The following KCNIP4 variants were observed in gnomAD, a reference collection of about 807,000 sequenced individuals.
The protein encoded by KCNIP4 is Kv channel-interacting protein 4.
A neutral mutation model predicts 34.0 loss-of-function variants in KCNIP4; 12 were observed. That is an observed-to-expected ratio of 0.35 (90% CI 0.23 to 0.57). The LOEUF (loss-of-function observed/expected upper bound fraction) is 0.57. Ranked by LOEUF, KCNIP4 falls within the 20% of genes least tolerant of loss-of-function variation. The probability of loss-of-function intolerance (pLI) is 0.83; values close to 1 mark genes in which losing one functional copy is unlikely to be tolerated. For missense variants in KCNIP4, 238 were observed against 311.7 expected (o/e 0.76, Z 1.78); for synonymous variants, 124 against 102.2 (o/e 1.21, Z -1.29).
At chr4:20,881,525 T>G (rs575903534) in intron 2 of KCNIP4, among the ~76,000 whole-genome samples, 18 of 152,284 alleles carry the variant, frequency 1.2e-4, no homozygotes, top group African/African-American at 4.3e-4. Context: ...AAAAAAATTG[T>G]GTATAAAAGA....
intron 3 of KCNIP4, among the ~76,000 whole-genome samples, chr4:20,806,131 C>T (rs1027117396): frequency 2.6e-5 from 4 of 151,616 alleles, no homozygotes; most frequent in African/African-American, 7.3e-5. Flanking sequence ...TTACTTTTTC[C>T]GTCTAATAAC....
rs148916395 is a variant in KCNIP4 at position 21,442,708 on chromosome 4, A to T, written c.61+505863T>A. Among the ~76,000 whole-genome samples, 3 of 152,160 alleles carry T rather than the reference A, an allele frequency of 2.0e-5. No homozygotes were observed. The East Asian group carries it at 5.8e-4, about 29-fold the overall frequency. ...ACTTTTCTCCGCCTCTCAACACTTGAGTGTCTCAGGGTTCAGCTCATGTAC... is the reference window on the plus strand; with the variant it reads ...ACTTTTCTCCGCCTCTCAACACTTGTGTGTCTCAGGGTTCAGCTCATGTAC... On this transcript the variant is annotated intron_variant, in intron 1 of 8. Transcript: ENST00000382152.
At chr4:21,057,662 C>A (rs1743541004) in intron 1 of KCNIP4, among the ~76,000 whole-genome samples, 2 of 151,990 alleles carry the variant, frequency 1.3e-5, no homozygotes, top group African/African-American at 4.8e-5. Flanking sequence ...TTGAAATGGC[C>A]CCAAAATAAC....
At position 20,728,763 on chromosome 4, in the gene KCNIP4, C is replaced by CCTAT. The variant is rs942398165; in HGVS notation, c.*1315_*1318dup. ...GTGATAGCAGGGCAGCTTTCAACAT[C>CCTAT]CTATCTCTACACCAGAATAGATACC... On this transcript the variant is annotated 3_prime_UTR_variant, in exon 9 of 9. Transcript: ENST00000382152. The CCTAT allele has an allele frequency of 4.7e-4, 72 of 152,648 alleles. No individual in the cohort carries two copies. The highest frequency in any genetic ancestry group is 1.0e-3 in the South Asian group (5 of 4,826). The allele number at this position is 152,648 out of a possible 1,614,324, so 9.5% of individuals were successfully genotyped here. A position where few individuals can be genotyped will look rare whatever the true frequency, so the allele number is the denominator to read the frequency against.
chr4:21,113,476 A>G (rs1560734526), intron 1 of KCNIP4, among the ~76,000 whole-genome samples: 7 of 150,452 alleles, frequency 4.7e-5, no homozygotes, highest in African/African-American at 1.7e-4. Flanking sequence ...AAAAAAAAAA[A>G]AAAAGGAAAG....
chr4:20,731,599 C>G (rs1407809319), intron 8 of KCNIP4: 6 of 985,068 alleles, frequency 6.1e-6, no homozygotes, highest in Non-Finnish European at 7.2e-6. Context: ...CAGATAGAAG[C>G]TTGGCCTGTT....
At chr4:21,078,472 G>A (rs983530189) in intron 1 of KCNIP4, among the ~76,000 whole-genome samples, 1 of 151,974 alleles carries the variant, frequency 6.6e-6, no homozygotes, top group Non-Finnish European at 1.5e-5. Context: ...TTCTCAGAGA[G>A]AGAGAGAGAT....
chr4:21,836,187 G>T (rs1282140133), intron 1 of KCNIP4, among the ~76,000 whole-genome samples: 2 of 152,126 alleles, frequency 1.3e-5, no homozygotes, highest in Non-Finnish European at 2.9e-5. Context: ...TTAAGTGGTA[G>T]ATCATTGGGT....
At chr4:20,786,051 G>A (rs1283292590) in intron 3 of KCNIP4, among the ~76,000 whole-genome samples, 2 of 151,944 alleles carry the variant, frequency 1.3e-5, no homozygotes, top group African/African-American at 4.8e-5. Context: ...ATCAACCTAG[G>A]TACCCATCAA....
rs116707207 is a variant in KCNIP4 at position 20,785,085 on chromosome 4, C to T, written c.289-26195G>A. 3.1e-3 allele frequency among the ~76,000 whole-genome samples: 469 copies of T among 152,194 alleles called. 5 individuals are homozygous for T. Among genetic ancestry groups the T allele is most frequent in the African/African-American group, 0.011 (454 of 41,536 alleles). On this transcript the variant is annotated intron_variant, in intron 3 of 8. Transcript: ENST00000382152. ...TTAATAGAGAGGAAACACTGTTGGACCACTCTCCCAACACCTGTTTCTCAA... is the reference window on the plus strand; with the variant it reads ...TTAATAGAGAGGAAACACTGTTGGATCACTCTCCCAACACCTGTTTCTCAA...
In KCNIP4 at chr4:21,790,376, C is replaced by G. The variant is rs184188412; in HGVS notation, c.61+158195G>C. 6.1e-3 allele frequency among the ~76,000 whole-genome samples: 929 copies of G among 152,240 alleles called. 5 individuals carry two copies. The highest frequency in any genetic ancestry group is 9.9e-3 in the Non-Finnish European group (672 of 68,028). ...ACTTTAATACGATACTCTACACACA[C>G]TCATTGTATCTTGTGTTTAGAGTAT... On this transcript the variant is annotated intron_variant, in intron 1 of 8. Transcript: ENST00000382152.
intron 1 of KCNIP4, among the ~76,000 whole-genome samples, chr4:20,922,543 GTCTGTCTATCTATCTA>G (rs1471145992): frequency 2.0e-3 from 164 of 81,966 alleles, no homozygotes; most frequent in African/African-American, 5.1e-3. Context: ...CTGTCTGTCT[GTCTGTCTATCTATCTA>G]TCTATCTATC....
chr4:21,642,563 C>G (rs903973993), intron 1 of KCNIP4, among the ~76,000 whole-genome samples: 1 of 152,122 alleles, frequency 6.6e-6, no homozygotes, highest in Non-Finnish European at 1.5e-5. Context: ...GGAAATGGCT[C>G]TATTTACTAT....
At chr4:21,041,209 T>C (rs1393418041) in intron 1 of KCNIP4, among the ~76,000 whole-genome samples, 1 of 150,172 alleles carries the variant, frequency 6.7e-6, no homozygotes, top group Non-Finnish European at 1.5e-5. Flanking sequence ...TACAGTTGGC[T>C]CTCAGTGAAT....
At chr4:21,049,055 A>C (rs1216939389) in intron 1 of KCNIP4, among the ~76,000 whole-genome samples, 2 of 139,098 alleles carry the variant, frequency 1.4e-5, no homozygotes, top group African/African-American at 2.7e-5. Flanking sequence ...GGTTCACGCC[A>C]TTCTCCTGCC....
chr4:21,277,174 G>A (rs1399397502), intron 1 of KCNIP4, among the ~76,000 whole-genome samples: 1 of 152,154 alleles, frequency 6.6e-6, no homozygotes, highest in East Asian at 1.9e-4. Flanking sequence ...AAGATCCACA[G>A]ATAGGAACTT....
At chr4:21,641,951 T>C (rs1295971127) in intron 1 of KCNIP4, among the ~76,000 whole-genome samples, 1 of 152,142 alleles carries the variant, frequency 6.6e-6, no homozygotes, top group East Asian at 1.9e-4. Context: ...GGTGGCAGGT[T>C]GATTACATTG....
At chr4:21,208,674 T>C (rs189661243) in intron 1 of KCNIP4, among the ~76,000 whole-genome samples, 32 of 152,302 alleles carry the variant, frequency 2.1e-4, no homozygotes, top group South Asian at 8.3e-4. Flanking sequence ...CCGTGCCTAT[T>C]GAAATTGCTC....
At chr4:21,131,118 T>C (rs181229043) in intron 1 of KCNIP4, among the ~76,000 whole-genome samples, 76 of 152,318 alleles carry the variant, frequency 5.0e-4, no homozygotes, top group African/African-American at 1.8e-3. Flanking sequence ...TTGTTCATAG[T>C]GGCACATTTT....
Sources: gnomAD v4.1 joint callset for allele counts (sites outside exome capture counted in the v4.1 genomes callset) on GRCh38, gnomAD v4.1.1 for gene constraint, MANE v1.5 for transcripts, NCBI Gene and HGNC (gene_info 2026-07-23, HGNC 2026-07-21) for gene names.